The following LHFPL6 variants were observed in gnomAD, a reference collection of about 807,000 sequenced individuals.
LHFPL6 encodes the protein LHFPL tetraspan subfamily member 6.
In LHFPL6, 9 loss-of-function variants were observed where a neutral mutation model predicts 20.6. The ratio of observed to expected loss-of-function variants is 0.44; its 90% CI spans 0.26 to 0.76. The LOEUF is 0.76. LHFPL6 is among the 30% of genes least tolerant of loss of function. The pLI is 0.20. For synonymous variants in LHFPL6, 105 were observed against 98.7 expected, an observed-to-expected ratio of 1.06 and a Z score of -0.38; for missense variants, 218 against 253.5, an observed-to-expected ratio of 0.86 and a Z score of 0.95.
chr13:39,437,893 C>A (rs1383065957), intron 2 of LHFPL6, among the ~76,000 whole-genome samples: 3 of 118,346 alleles, frequency 2.5e-5, no homozygotes, highest in African/African-American at 8.8e-5. Flanking sequence ...CAGAGCGAGA[C>A]TCCGTCTCAA....
rs1474308632 is a variant in LHFPL6 at position 39,602,898 on chromosome 13, C to A, written c.-190G>T. On this transcript the variant is annotated 5_prime_UTR_variant, in exon 1 of 4. Transcript: ENST00000379589. ...ATTTACTTACATGGCTGGCGGGCGGCGGCCACCTTCCCTCCCGCGTCCCGG... is the reference window on the plus strand; with the variant it reads ...ATTTACTTACATGGCTGGCGGGCGGAGGCCACCTTCCCTCCCGCGTCCCGG... The A allele has an allele frequency of 6.6e-6, 1 of 152,484 alleles. No homozygotes were observed. Among genetic ancestry groups the A allele is most frequent in the Non-Finnish European group, 1.5e-5 (1 of 68,284 alleles). The allele number at this position is 152,484 out of a possible 1,614,324, so 9.4% of individuals were successfully genotyped here.
intron 2 of LHFPL6, among the ~76,000 whole-genome samples, chr13:39,529,285 T>C (rs559333480): frequency 2.0e-5 from 3 of 152,222 alleles, no homozygotes; most frequent in Admixed American, 2.0e-4. Context: ...AGAGACAGGG[T>C]TTCTCCATGG....
intron 2 of LHFPL6, among the ~76,000 whole-genome samples, chr13:39,532,530 T>C (rs1218373442): frequency 6.6e-6 from 1 of 152,188 alleles, no homozygotes; most frequent in Non-Finnish European, 1.5e-5. Context: ...AAAATATCAG[T>C]CCTTTTTACT....
intron 2 of LHFPL6, among the ~76,000 whole-genome samples, chr13:39,532,422 C>T (rs1333490617): frequency 6.6e-6 from 1 of 152,160 alleles, no homozygotes; most frequent in African/African-American, 2.4e-5. Context: ...CCAGTAAAAT[C>T]CTACCCATAG....
chr13:39,580,432 C>T (rs905377488), intron 2 of LHFPL6, among the ~76,000 whole-genome samples: 1 of 152,082 alleles, frequency 6.6e-6, no homozygotes, highest in African/African-American at 2.4e-5. Context: ...AAGAATATTA[C>T]AAGTCCAAAA....
chr13:39,503,506 C>T (rs1354686870), intron 2 of LHFPL6, among the ~76,000 whole-genome samples: 1 of 152,174 alleles, frequency 6.6e-6, no homozygotes, highest in Non-Finnish European at 1.5e-5. Context: ...CAGCTTCTAA[C>T]ATACCACACA....
At position 39,417,619 on chromosome 13, in the gene LHFPL6, A is replaced by G. The variant is rs58444944; in HGVS notation, c.386-39093T>C. ...CAAAAATTCATTAGCTGAATTAACC[A>G]TTCTCCACGGACCTCATCTTTATTC... On this transcript the variant is annotated intron_variant, in intron 2 of 3. Transcript: ENST00000379589. 1.3e-4 allele frequency among the ~76,000 whole-genome samples: 20 copies of G among 152,230 alleles called. No individual in the cohort carries two copies. The East Asian group carries it at 3.3e-3, about 25-fold the overall frequency.
At chr13:39,453,642 G>A (rs558169950) in intron 2 of LHFPL6, among the ~76,000 whole-genome samples, 6 of 152,284 alleles carry the variant, frequency 3.9e-5, no homozygotes, top group Admixed American at 2.0e-4. Flanking sequence ...ATCAGGCCAC[G>A]CTATTGGTAA....
At chr13:39,405,065 G>C (rs1871086233) in intron 2 of LHFPL6, among the ~76,000 whole-genome samples, 1 of 152,186 alleles carries the variant, frequency 6.6e-6, no homozygotes, top group Non-Finnish European at 1.5e-5. Context: ...TGTAACATAA[G>C]AGAGCTGGAT....
rs960548866 is a variant in LHFPL6, at chr13:39,412,853, C to T, written c.386-34327G>A. 1.0e-4 allele frequency among the ~76,000 whole-genome samples: 15 copies of T among 150,104 alleles called. No homozygotes were observed. In the East Asian group the frequency reaches 2.3e-3, roughly 23 times the overall value. On this transcript the variant is annotated intron_variant, in intron 2 of 3. Transcript: ENST00000379589. The stretch of plus-strand genomic sequence containing the variant: ...CAGAGAACTGCTCGAACCCGGGAGG[C>T]GGAGGTTGCAGTGAGCCGAGATTGC...
chr13:39,558,693 T>C (rs2138517723), intron 2 of LHFPL6, among the ~76,000 whole-genome samples: 2 of 152,260 alleles, frequency 1.3e-5, no homozygotes, highest in Admixed American at 6.5e-5. Flanking sequence ...ATCAGGGATA[T>C]CTGACAATGA....
At chr13:39,504,664 G>A (rs1417854872) in intron 2 of LHFPL6, among the ~76,000 whole-genome samples, 1 of 152,184 alleles carries the variant, frequency 6.6e-6, no homozygotes, top group Non-Finnish European at 1.5e-5. Context: ...ATTGGATTAA[G>A]GCCCTCTCTA....
At chr13:39,378,282 G>T in intron 3 of LHFPL6, 146 bp downstream of exon 3, 1 of 615,478 alleles carries the variant, frequency 1.6e-6, no homozygotes, top group Non-Finnish European at 2.9e-6. Context: ...CTAAATAAAT[G>T]GATACATTTA....
At chr13:39,401,581 T>A (rs1292164637) in intron 2 of LHFPL6, among the ~76,000 whole-genome samples, 1 of 152,210 alleles carries the variant, frequency 6.6e-6, no homozygotes, top group Non-Finnish European at 1.5e-5. Context: ...TTTTTGGAGA[T>A]ACATATGCTC....
At chr13:39,457,440 C>T (rs1001086316) in intron 2 of LHFPL6, among the ~76,000 whole-genome samples, 7 of 152,134 alleles carry the variant, frequency 4.6e-5, no homozygotes, top group African/African-American at 1.4e-4. Flanking sequence ...TCACTACACA[C>T]CTACTAGATT....
At chr13:39,479,842 C>T (rs1868444038) in intron 2 of LHFPL6, among the ~76,000 whole-genome samples, 1 of 152,188 alleles carries the variant, frequency 6.6e-6, no homozygotes, top group South Asian at 2.1e-4. Context: ...GGCAGATCAA[C>T]ATTGACAGTC....
chr13:39,448,007 C>T (rs913232783), intron 2 of LHFPL6, among the ~76,000 whole-genome samples: 2 of 152,154 alleles, frequency 1.3e-5, no homozygotes, highest in South Asian at 4.1e-4. Flanking sequence ...TTCCCAAATC[C>T]TAATCTCCTT....
chr13:39,512,470 C>T (rs1305609632), intron 2 of LHFPL6, among the ~76,000 whole-genome samples: 1 of 151,830 alleles, frequency 6.6e-6, no homozygotes, highest in Non-Finnish European at 1.5e-5. Flanking sequence ...GGCATGGTGG[C>T]GGGCCCCTGT....
intron 2 of LHFPL6, among the ~76,000 whole-genome samples, chr13:39,562,581 C>CACATAT (rs1566142182): frequency 1.5e-3 from 190 of 127,238 alleles, no homozygotes; most frequent in Non-Finnish European, 2.7e-3. Flanking sequence ...TACATATATA[C>CACATAT]ACATATATAC....
Sources: gnomAD v4.1 joint callset for allele counts (sites outside exome capture counted in the v4.1 genomes callset) on GRCh38, gnomAD v4.1.1 for gene constraint, MANE v1.5 for transcripts, NCBI Gene and HGNC (gene_info 2026-07-23, HGNC 2026-07-21) for gene names.